Variants in RBFOX3 observed in about 807,000 individuals in gnomAD.
The protein encoded by RBFOX3 is RNA binding protein fox-1 homolog 3.
A neutral mutation model predicts 48.7 loss-of-function variants in RBFOX3; 17 were observed. The ratio of observed to expected loss-of-function variants is 0.35; its 90% CI spans 0.24 to 0.52. The LOEUF is 0.52. Among genes scored for constraint, RBFOX3 ranks in the 20% least tolerant of loss-of-function variants. RBFOX3 has a pLI of 0.94. For missense variants in RBFOX3, 382 were observed against 497.5 expected, an observed-to-expected ratio of 0.77 and a Z score of 2.21; for synonymous variants, 212 against 209.5, an observed-to-expected ratio of 1.01 and a Z score of -0.10.
Position 79,498,561 on chromosome 17 carries a change from G to A in RBFOX3, c.-319-15963C>T, listed in dbSNP as rs571267129. Reference sequence around the variant, plus strand: ...TCCACTTACCCATCCGTCTACTCATGCACCTATCCTTCCCCCCACCCCATC... The same window carrying A: ...TCCACTTACCCATCCGTCTACTCATACACCTATCCTTCCCCCCACCCCATC... On this transcript the variant is annotated intron_variant, in intron 1 of 14. Coordinates refer to ENST00000693108, the MANE Select transcript of RBFOX3 (RefSeq NM_001350451.2). 2.4e-3 allele frequency among the ~76,000 whole-genome samples: 347 copies of A among 145,214 alleles called. 2 individuals carry two copies. Among genetic ancestry groups the A allele is most frequent in the African/African-American group, 8.7e-3 (335 of 38,722 alleles).
chr17:79,565,039 C>CA (rs1303157702), intron 1 of RBFOX3, among the ~76,000 whole-genome samples: 67,329 of 113,792 alleles, frequency 0.59, 19,343 homozygotes, highest in East Asian at 0.72. Context: ...GACTCTGTCT[C>CA]AAAAAAAAAA....
At chr17:79,572,594 C>A (rs1324752386) in intron 1 of RBFOX3, among the ~76,000 whole-genome samples, 1 of 152,166 alleles carries the variant, frequency 6.6e-6, no homozygotes. Flanking sequence ...AAGCTGAAGG[C>A]AGTGGGAGCT....
intron 4 of RBFOX3, among the ~76,000 whole-genome samples, chr17:79,192,408 A>G (rs971931527): frequency 1.3e-5 from 2 of 152,214 alleles, no homozygotes; most frequent in Admixed American, 6.5e-5. Context: ...GACTGTATTT[A>G]AGGCAGCTTT....
chr17:79,352,899 A>G (rs537674730), intron 2 of RBFOX3, among the ~76,000 whole-genome samples: 54 of 152,310 alleles, frequency 3.5e-4, no homozygotes, highest in African/African-American at 1.1e-3. Context: ...AGTTCTACTC[A>G]TTGACATTGA....
At chr17:79,587,327 A>C (rs951952064) in intron 1 of RBFOX3, among the ~76,000 whole-genome samples, 9 of 152,208 alleles carry the variant, frequency 5.9e-5, no homozygotes, top group African/African-American at 2.2e-4. Flanking sequence ...ATTGCACAGG[A>C]GAGGCTCCAT....
At chr17:79,398,805 A>G (rs2062393063) in intron 2 of RBFOX3, among the ~76,000 whole-genome samples, 1 of 152,024 alleles carries the variant, frequency 6.6e-6, no homozygotes, top group Non-Finnish European at 1.5e-5. Flanking sequence ...TCACCTGGGG[A>G]CTCACTTCGC....
chr17:79,144,526 C>T (rs2042619454), intron 4 of RBFOX3, among the ~76,000 whole-genome samples: 1 of 152,098 alleles, frequency 6.6e-6, no homozygotes, highest in Non-Finnish European at 1.5e-5. Flanking sequence ...TGCTCTGCGC[C>T]CCACTGCTGG....
At chr17:79,386,469 G>A (rs192220804) in intron 2 of RBFOX3, among the ~76,000 whole-genome samples, 54 of 152,336 alleles carry the variant, frequency 3.5e-4, no homozygotes, top group African/African-American at 1.3e-3. Context: ...GTCCAAAGTC[G>A]ACAGCTAGTG....
intron 1 of RBFOX3, among the ~76,000 whole-genome samples, chr17:79,602,272 A>G (rs1411035978): frequency 1.3e-5 from 2 of 152,194 alleles, no homozygotes; most frequent in South Asian, 2.1e-4. Flanking sequence ...TCAAGATATC[A>G]AACAGACTTC....
intron 3 of RBFOX3, among the ~76,000 whole-genome samples, chr17:79,290,119 A>T (rs1044449957): frequency 3.3e-5 from 5 of 152,000 alleles, no homozygotes. Flanking sequence ...GTGGTGGGAG[A>T]CAAGCACATG....
intron 2 of RBFOX3, among the ~76,000 whole-genome samples, chr17:79,399,380 G>A (rs1007284049): frequency 1.3e-5 from 2 of 152,222 alleles, no homozygotes; most frequent in South Asian, 2.1e-4. Flanking sequence ...TTTTGCTTCC[G>A]TGCACGGCTC....
At chr17:79,440,675 A>G (rs961078312) in intron 2 of RBFOX3, among the ~76,000 whole-genome samples, 6 of 152,154 alleles carry the variant, frequency 3.9e-5, no homozygotes, top group African/African-American at 1.4e-4. Context: ...ACTGTGAGAA[A>G]GCCTCACCCG....
Position 79,477,030 on chromosome 17 carries a change from C to T in RBFOX3, c.-175+5424G>A, listed in dbSNP as rs978086518. On this transcript the variant is annotated intron_variant, in intron 2 of 14. Transcript: ENST00000693108. This position sits in a 1 kb window ranked among gnomAD's most constrained non-coding sequence, Gnocchi z 4.8. The stretch of plus-strand genomic sequence containing the variant: ...GGTGGATCACTTGAGGTCAGGAGTT[C>T]GAGACCAGCCTGGCCAACAGGGTGA... Among the ~76,000 whole-genome samples, 27 of 151,442 alleles carry T rather than the reference C, an allele frequency of 1.8e-4. No homozygotes were observed. The highest frequency in any genetic ancestry group is 4.6e-4 in the Admixed American group (7 of 15,204).
intron 2 of RBFOX3, among the ~76,000 whole-genome samples, chr17:79,470,918 G>A (rs2076981523): frequency 6.6e-6 from 1 of 152,056 alleles, no homozygotes; most frequent in Non-Finnish European, 1.5e-5. Flanking sequence ...GGGAAATGCT[G>A]TGTGCCTCTC....
intron 3 of RBFOX3, among the ~76,000 whole-genome samples, chr17:79,281,318 G>A (rs974801585): frequency 5.9e-5 from 9 of 152,082 alleles, no homozygotes; most frequent in African/African-American, 2.2e-4. Context: ...AAATGCCTTG[G>A]GGCTGGAAGG....
At chr17:79,467,613 G>T (rs1271435843) in intron 2 of RBFOX3, among the ~76,000 whole-genome samples, 2 of 152,268 alleles carry the variant, frequency 1.3e-5, no homozygotes, top group East Asian at 3.9e-4. Context: ...CTCCTGAGCT[G>T]CCTAACTGCA....
intron 4 of RBFOX3, among the ~76,000 whole-genome samples, chr17:79,168,869 G>A (rs1269556125): frequency 6.6e-6 from 1 of 152,190 alleles, no homozygotes; most frequent in East Asian, 1.9e-4. Context: ...GGGTCATGAA[G>A]GCACTGCAGA....
At chr17:79,383,485 G>A (rs1305589466) in intron 2 of RBFOX3, among the ~76,000 whole-genome samples, 1 of 152,214 alleles carries the variant, frequency 6.6e-6, no homozygotes, top group Non-Finnish European at 1.5e-5. Flanking sequence ...CAAAATCTTG[G>A]GCTTTCTTGA....
At chr17:79,614,097 G>A (rs1034500817), upstream of RBFOX3, among the ~76,000 whole-genome samples, 16 of 152,376 alleles carry the variant, frequency 1.1e-4, no homozygotes, top group Non-Finnish European at 7.3e-5. Flanking sequence ...CCGCCCTCAC[G>A]GAGCTGAGTC....
Sources: gnomAD v4.1 joint callset for allele counts (sites outside exome capture counted in the v4.1 genomes callset) on GRCh38, gnomAD v4.1.1 for gene constraint, Gnocchi (gnomAD v3.1) non-coding constraint, MANE v1.5 for transcripts, NCBI Gene and HGNC (gene_info 2026-07-23, HGNC 2026-07-21) for gene names.